CADPS2: variants seen among roughly 807,000 people sequenced by gnomAD.
The protein encoded by CADPS2 is calcium-dependent secretion activator 2.
CADPS2 carries 93 observed loss-of-function variants against 172.5 expected under a neutral mutation model. That is an observed-to-expected ratio of 0.54 (90% CI 0.46 to 0.64). CADPS2 has a LOEUF of 0.64. CADPS2 is among the 30% of genes least tolerant of loss of function. The pLI is 0.00. For synonymous variants in CADPS2, 546 were observed against 555.2 expected, an observed-to-expected ratio of 0.98 and a Z score of 0.23; for missense variants, 1,420 against 1,565.9, an observed-to-expected ratio of 0.91 and a Z score of 1.57.
intron 3 of CADPS2, 67 bp downstream of exon 3, chr7:122,663,170 C>T (rs2080796191): frequency 8.6e-7 from 1 of 1,165,800 alleles, no homozygotes; most frequent in African/African-American, 1.5e-5. Flanking sequence ...TCTTCATAGG[C>T]TTGTAAATAC....
intron 2 of CADPS2, among the ~76,000 whole-genome samples, chr7:122,686,963 G>C (rs568874651): frequency 6.6e-6 from 1 of 152,072 alleles, no homozygotes; most frequent in Non-Finnish European, 1.5e-5. Flanking sequence ...GGGATTACAG[G>C]GGTGAGCCAC....
chr7:122,648,864 CA>C (rs2078839141), intron 3 of CADPS2, among the ~76,000 whole-genome samples: 1 of 152,198 alleles, frequency 6.6e-6, no homozygotes, highest in South Asian at 2.1e-4. Context: ...ACCAGGCCCA[CA>C]AGCAAAAGAT....
At chr7:122,885,429 T>G (rs973303041) in intron 1 of CADPS2, among the ~76,000 whole-genome samples, 2 of 152,174 alleles carry the variant, frequency 1.3e-5, no homozygotes, top group Non-Finnish European at 2.9e-5. Flanking sequence ...GCCTTCTCGG[T>G]GTTTGGATTT....
chr7:122,521,103 A>G (rs1209313143), intron 8 of CADPS2, among the ~76,000 whole-genome samples: 1 of 152,166 alleles, frequency 6.6e-6, no homozygotes, highest in East Asian at 1.9e-4. Context: ...TATATAGAGT[A>G]GTTTAGTCCT....
chr7:122,387,321 G>A, intron 23 of CADPS2, 148 bp from the exon 24 acceptor site: 2 of 713,964 alleles, frequency 2.8e-6, no homozygotes, highest in South Asian at 2.0e-5. Flanking sequence ...GCTAAGGGGT[G>A]GGATGCTTTT....
chr7:122,799,603 CA>C (rs58187843), intron 1 of CADPS2, among the ~76,000 whole-genome samples: 1,710 of 48,256 alleles, frequency 0.035, 21 homozygotes, highest in African/African-American at 0.11. Flanking sequence ...GATTCCATCT[CA>C]AAAAAAAAAA....
intron 22 of CADPS2, 143 bp from the exon 23 acceptor site, chr7:122,388,881 G>C (rs1486235695): frequency 1.3e-6 from 1 of 775,208 alleles, no homozygotes; most frequent in African/African-American, 1.7e-5. Flanking sequence ...TATTTTCTTT[G>C]TTCAGCCTTC....
intron 7 of CADPS2, among the ~76,000 whole-genome samples, chr7:122,567,083 TAAACTCCAAATTCTACTAACCAATA>T (rs557098202): frequency 0.011 from 1,731 of 152,314 alleles, 31 homozygotes; most frequent in African/African-American, 0.039. Flanking sequence ...AGTGTCCTTT[TAAACTCCAAATTCTACTAACCAATA>T]AAACAGAAAT....
chr7:122,835,980 G>C (rs1463069046), intron 1 of CADPS2, among the ~76,000 whole-genome samples: 2 of 152,118 alleles, frequency 1.3e-5, no homozygotes, highest in Non-Finnish European at 2.9e-5. Flanking sequence ...ATAATTGTCA[G>C]ATTCACCAAA....
chr7:122,785,409 ATTTAG>A (rs1161564342), intron 1 of CADPS2, among the ~76,000 whole-genome samples: 4 of 152,102 alleles, frequency 2.6e-5, no homozygotes, highest in Admixed American at 1.3e-4. Flanking sequence ...TCTGTGGTTT[ATTTAG>A]TTTAAACTGA....
At chr7:122,817,471 G>A (rs1269347113) in intron 1 of CADPS2, among the ~76,000 whole-genome samples, 6 of 151,878 alleles carry the variant, frequency 4.0e-5, no homozygotes, top group African/African-American at 9.7e-5. Flanking sequence ...CGTTTTATCC[G>A]TGGACCCAAA....
chr7:122,649,898 A>ATTTTTTTTTTTTTTTTTTTTTTT lies in CADPS2; in HGVS notation c.786+13316_786+13338dup, dbSNP rs71531909. Among the ~76,000 whole-genome samples, 26 of 52,018 alleles carry ATTTTTTTTTTTTTTTTTTTTTTT rather than the reference A, an allele frequency of 5.0e-4. 6 individuals carry two copies. The highest frequency in any genetic ancestry group is 1.6e-3 in the East Asian group (2 of 1,272). 34.1% of individuals were successfully genotyped at this position (52,018 alleles called of 152,430 possible). A position where few individuals can be genotyped will look rare whatever the true frequency, so the allele number is the denominator to read the frequency against. ...TGACATTTTTCTTAAGTATTCAATG[A>ATTTTTTTTTTTTTTTTTTTTTTT]TTTTTTTTTTTTTTTTTTTTTTTTT... On this transcript the variant is annotated intron_variant, in intron 3 of 29. Coordinates refer to ENST00000449022, the MANE Select transcript of CADPS2 (RefSeq NM_017954.11).
intron 28 of CADPS2, among the ~76,000 whole-genome samples, chr7:122,326,670 G>GA (rs1288812699): frequency 1.3e-5 from 2 of 151,008 alleles, no homozygotes; most frequent in African/African-American, 2.4e-5. Flanking sequence ...TTTAAACACC[G>GA]AAAAAAAATT....
At chr7:122,777,286 T>C (rs2093913874) in intron 1 of CADPS2, among the ~76,000 whole-genome samples, 1 of 152,170 alleles carries the variant, frequency 6.6e-6, no homozygotes, top group South Asian at 2.1e-4. Context: ...TGTCACCAGG[T>C]TTTTTGTACC....
intron 3 of CADPS2, among the ~76,000 whole-genome samples, chr7:122,630,236 T>A (rs2076447767): frequency 1.3e-5 from 2 of 152,026 alleles, no homozygotes; most frequent in Admixed American, 1.3e-4. Context: ...GAGAAAACAG[T>A]TTACTTGTCA....
At chr7:122,834,955 G>A (rs1442683637) in intron 1 of CADPS2, among the ~76,000 whole-genome samples, 3 of 152,184 alleles carry the variant, frequency 2.0e-5, no homozygotes, top group African/African-American at 7.2e-5. Flanking sequence ...CCAGCACAGA[G>A]TTTGAGAACT....
chr7:122,350,511 T>A (rs2151025729), intron 27 of CADPS2, among the ~76,000 whole-genome samples: 1 of 152,216 alleles, frequency 6.6e-6, no homozygotes, highest in East Asian at 1.9e-4. Flanking sequence ...ATAAAAAAGG[T>A]TTTTTCATAT....
Position 122,799,466 on chromosome 7 carries a change from G to A in CADPS2, c.340-62398C>T, listed in dbSNP as rs988612209. The stretch of plus-strand genomic sequence containing the variant: ...TACAAAAACAAAATTAGCCGGGCGT[G>A]GTGGTGGGCGCCTGTAGTCCCAGCT... On this transcript the variant is annotated intron_variant, in intron 1 of 29. Transcript: ENST00000449022. Among the ~76,000 whole-genome samples, 4 of 151,932 alleles carry A rather than the reference G, an allele frequency of 2.6e-5. No homozygotes were observed. In the South Asian group the frequency reaches 8.3e-4, roughly 32 times the overall value.
Position 122,474,709 on chromosome 7 carries a change from A to C in CADPS2, c.1862-192T>G, listed in dbSNP as rs367784930. ...GAAGCCTAAGTAAAAACAACAGCAA[A>C]AAATCTACAAATCATTCAGAATGCA... On this transcript the variant is annotated intron_variant, in intron 12 of 29. Transcript: ENST00000449022. 7.0e-4 allele frequency among the ~76,000 whole-genome samples: 107 copies of C among 152,204 alleles called. 2 individuals carry two copies. Among genetic ancestry groups the C allele is most frequent in the African/African-American group, 2.5e-3 (102 of 41,556 alleles).
Sources: allele counts gnomAD v4.1 joint callset (sites outside exome capture counted in the v4.1 genomes callset), GRCh38; gene constraint gnomAD v4.1.1; transcripts MANE v1.5; gene names NCBI Gene and HGNC (gene_info 2026-07-23, HGNC 2026-07-21).